Variants in IMMP2L observed in about 807,000 individuals in gnomAD.
IMMP2L encodes mitochondrial inner membrane protease subunit 2.
Under a neutral mutation model 19.3 loss-of-function variants are expected in IMMP2L, and 18 were observed. The observed-to-expected ratio is 0.93, with a 90% CI of 0.64 to 1.38. The LOEUF (loss-of-function observed/expected upper bound fraction) is 1.38, where lower values mean the gene tolerates loss of function less well. Among genes scored for constraint, IMMP2L ranks in the 40% most tolerant of loss-of-function variants. The pLI is 0.00. For synonymous variants in IMMP2L, 76 were observed against 73.0 expected, an observed-to-expected ratio of 1.04 and a Z score of -0.21; for missense variants, 233 against 218.2, an observed-to-expected ratio of 1.07 and a Z score of -0.43.
At chr7:111,002,079 T>C (rs1443022769) in intron 3 of IMMP2L, among the ~76,000 whole-genome samples, 1 of 151,820 alleles carries the variant, frequency 6.6e-6, no homozygotes, top group Non-Finnish European at 1.5e-5. Context: ...TTTTTCCTCA[T>C]TTGACAAGAT....
At chr7:111,534,443 G>A (rs573593376) in intron 1 of IMMP2L, among the ~76,000 whole-genome samples, 5 of 151,932 alleles carry the variant, frequency 3.3e-5, no homozygotes, top group East Asian at 3.9e-4. Context: ...CATCCTCATC[G>A]TCATCCTTAT....
At chr7:110,816,893 A>G (rs1358439040) in intron 5 of IMMP2L, among the ~76,000 whole-genome samples, 2 of 152,114 alleles carry the variant, frequency 1.3e-5, no homozygotes, top group Non-Finnish European at 2.9e-5. Flanking sequence ...TGAATATACG[A>G]CACTGATGGG....
intron 1 of IMMP2L, among the ~76,000 whole-genome samples, chr7:111,527,527 T>C (rs1000295042): frequency 3.3e-5 from 5 of 152,078 alleles, no homozygotes; most frequent in African/African-American, 1.2e-4. Flanking sequence ...CTTTGGCAGA[T>C]ACTAAAACAA....
At chr7:110,920,506 G>A (rs1315133280) in intron 4 of IMMP2L, among the ~76,000 whole-genome samples, 1 of 152,124 alleles carries the variant, frequency 6.6e-6, no homozygotes, top group South Asian at 2.1e-4. Flanking sequence ...TTGGCTTTTT[G>A]CTTTTTTCAG....
intron 3 of IMMP2L, among the ~76,000 whole-genome samples, chr7:111,167,632 G>A (rs1805973388): frequency 3.3e-5 from 5 of 151,768 alleles, no homozygotes; most frequent in Admixed American, 3.3e-4. Flanking sequence ...GCTTCCCAAT[G>A]ACTAAATTAT....
intron 3 of IMMP2L, among the ~76,000 whole-genome samples, chr7:111,363,208 A>G (rs1829426202): frequency 6.6e-6 from 1 of 152,088 alleles, no homozygotes. Context: ...ACAATACTGA[A>G]TAAGCTCTAA....
chr7:110,998,073 T>G (rs1288674636), intron 3 of IMMP2L, among the ~76,000 whole-genome samples: 1 of 152,158 alleles, frequency 6.6e-6, no homozygotes, highest in African/African-American at 2.4e-5. Context: ...ATCAATACAG[T>G]TGACTATATA....
chr7:111,128,837 A>AT (rs1454531276), intron 3 of IMMP2L, among the ~76,000 whole-genome samples: 1 of 152,210 alleles, frequency 6.6e-6, no homozygotes, highest in Non-Finnish European at 1.5e-5. Context: ...AAAAAGAGGC[A>AT]TATTTAGTTA....
chr7:111,310,963 A>G (rs1823452108), intron 3 of IMMP2L, among the ~76,000 whole-genome samples: 1 of 152,170 alleles, frequency 6.6e-6, no homozygotes, highest in Non-Finnish European at 1.5e-5. Flanking sequence ...GGTGAGTAAA[A>G]TGAGTATGTG....
intron 3 of IMMP2L, among the ~76,000 whole-genome samples, chr7:111,026,979 C>CT (rs1250013945): frequency 1.3e-5 from 2 of 152,084 alleles, no homozygotes; most frequent in East Asian, 3.9e-4. Context: ...ACATAACTTG[C>CT]TTTTATCTCT....
intron 5 of IMMP2L, among the ~76,000 whole-genome samples, chr7:110,791,430 C>T (rs1800451775): frequency 6.6e-6 from 1 of 151,618 alleles, no homozygotes; most frequent in Non-Finnish European, 1.5e-5. Context: ...TACCCTCTCC[C>T]CTAAGGGCAG....
intron 5 of IMMP2L, among the ~76,000 whole-genome samples, chr7:110,874,260 G>T (rs1808839328): frequency 1.3e-5 from 2 of 152,078 alleles, no homozygotes; most frequent in Admixed American, 6.6e-5. Context: ...TAAGAGGGCA[G>T]TCTTCCTGAA....
intron 3 of IMMP2L, among the ~76,000 whole-genome samples, chr7:111,328,699 G>C (rs1478197740): frequency 6.6e-6 from 1 of 151,784 alleles, no homozygotes; most frequent in Non-Finnish European, 1.5e-5. Context: ...GCAAGAGAGA[G>C]AGATGTATAG....
intron 5 of IMMP2L, among the ~76,000 whole-genome samples, chr7:110,699,652 T>A (rs1278276132): frequency 6.6e-6 from 1 of 151,426 alleles, no homozygotes; most frequent in Admixed American, 6.6e-5. Context: ...GCACCTGTAA[T>A]CCCAGCTGGG....
chr7:110,746,470 A>G (rs1797353201), intron 5 of IMMP2L, among the ~76,000 whole-genome samples: 1 of 152,186 alleles, frequency 6.6e-6, no homozygotes, highest in Non-Finnish European at 1.5e-5. Flanking sequence ...TCAGCACCAC[A>G]TTGTACTTAT....
chr7:111,211,047 T>C (rs1350397552), intron 3 of IMMP2L, among the ~76,000 whole-genome samples: 1 of 152,154 alleles, frequency 6.6e-6, no homozygotes, highest in Non-Finnish European at 1.5e-5. Flanking sequence ...TACCAAGTCA[T>C]TTAATAAATA....
chr7:111,237,013 T>C (rs1814403999), intron 3 of IMMP2L, among the ~76,000 whole-genome samples: 1 of 152,132 alleles, frequency 6.6e-6, no homozygotes, highest in Non-Finnish European at 1.5e-5. Flanking sequence ...TCTCTGGGAA[T>C]AGAAAGTAAG....
At chr7:110,968,724 A>G (rs1381927104) in intron 3 of IMMP2L, among the ~76,000 whole-genome samples, 1 of 152,150 alleles carries the variant, frequency 6.6e-6, no homozygotes, top group Non-Finnish European at 1.5e-5. Context: ...CAGTCCCGCC[A>G]GCTTGTTTCA....
chr7:110,779,312 G>A (rs1799589254), intron 5 of IMMP2L, among the ~76,000 whole-genome samples: 2 of 151,942 alleles, frequency 1.3e-5, no homozygotes, highest in South Asian at 4.1e-4. Context: ...TATATGCAAT[G>A]AGTGTAAATA....
Sources: allele counts gnomAD v4.1 joint callset (sites outside exome capture counted in the v4.1 genomes callset), GRCh38; gene constraint gnomAD v4.1.1; transcripts MANE v1.5; gene names NCBI Gene and HGNC (gene_info 2026-07-23, HGNC 2026-07-21).